PDXK: variants seen among roughly 807,000 people sequenced by gnomAD.
PDXK encodes the protein pyridoxal kinase.
In PDXK, 15 loss-of-function variants were observed where a neutral mutation model predicts 43.2. That is an observed-to-expected ratio of 0.35 (90% CI 0.23 to 0.53). The LOEUF (loss-of-function observed/expected upper bound fraction) is 0.53. Ranked by LOEUF, PDXK falls within the 20% of genes least tolerant of loss-of-function variation. PDXK has a pLI of 0.92. For missense variants in PDXK, 343 were observed against 417.0 expected (o/e 0.82, Z 1.54); for synonymous variants, 172 against 165.4 (o/e 1.04, Z -0.31).
At chr21:43,729,658 G>C (rs2083293164) in intron 1 of PDXK, among the ~76,000 whole-genome samples, 2 of 152,210 alleles carry the variant, frequency 1.3e-5, no homozygotes, top group African/African-American at 4.8e-5. Context: ...AGTAGCACGG[G>C]CCGAGCACGA....
chr21:43,728,617 C>T (rs904033123), intron 1 of PDXK: 1 of 652,970 alleles, frequency 1.5e-6, no homozygotes, highest in African/African-American at 2.0e-5. Context: ...GTCTGCCTCG[C>T]TGTGAGCAGA....
chr21:43,720,209 C>G (rs2147197115), intron 1 of PDXK, among the ~76,000 whole-genome samples: 1 of 152,278 alleles, frequency 6.6e-6, no homozygotes, highest in South Asian at 2.1e-4. Context: ...ACGGGCACTT[C>G]CTGGCCTTGT....
chr21:43,753,736 G>A lies in PDXK; in HGVS notation c.759+17G>A, dbSNP rs370448964. The A allele has an allele frequency of 8.6e-5, 137 of 1,601,522 alleles. 1 individual carries two copies. In the Admixed American group the frequency reaches 1.3e-3, roughly 15 times the overall value. On this transcript the variant is annotated intron_variant, in intron 9 of 10. Coordinates refer to ENST00000291565, the MANE Select transcript of PDXK (RefSeq NM_003681.5). Reference sequence around the variant, plus strand: ...AACCTCAAGGTCAGCCACACGCACCGCTCCCCTCCTCGCCCACTCCCACGG... The same window carrying A: ...AACCTCAAGGTCAGCCACACGCACCACTCCCCTCCTCGCCCACTCCCACGG...
intron 1 of PDXK, among the ~76,000 whole-genome samples, chr21:43,725,786 T>C (rs7280268): frequency 0.13 from 19,747 of 151,576 alleles, 1,585 homozygotes; most frequent in African/African-American, 0.23. Context: ...CTCCAGCCCC[T>C]GCAACAGAGC....
At position 43,735,589 on chromosome 21, in the gene PDXK, G is replaced by A. The variant is rs897183590; in HGVS notation, c.142+1466G>A. ...GTTGCAGAGCCAGGCAGACAGCCTG[G>A]GGGTGTCCCTTCCCATGGGGTCCAG... On this transcript the variant is annotated intron_variant, in intron 2 of 10. Coordinates refer to ENST00000291565, the MANE Select transcript of PDXK (RefSeq NM_003681.5). This position sits in a 1 kb window ranked among gnomAD's most constrained non-coding sequence, Gnocchi z 5.3. 6.6e-6 allele frequency among the ~76,000 whole-genome samples: 1 copy of A among 152,178 alleles called. No homozygotes were observed. Among genetic ancestry groups the A allele is most frequent in the Admixed American group, 6.5e-5 (1 of 15,278 alleles).
intron 1 of PDXK, chr21:43,733,610 A>G (rs927015655): frequency 2.9e-6 from 3 of 1,031,432 alleles, no homozygotes; most frequent in South Asian, 3.5e-5. Context: ...CTGCCCGCGG[A>G]GCCCTTGGCC....
At position 43,722,141 on chromosome 21, in the gene PDXK, G is replaced by A. The variant is rs116411458; in HGVS notation, c.87+2760G>A. ...GCACCCTGGGGTGGGGCACTTCCCC[G>A]CTGCTCTGGCTTGGATTCTAGACAG... is the stretch of plus-strand genomic sequence containing the variant. On this transcript the variant is annotated intron_variant, in intron 1 of 10. Coordinates refer to ENST00000291565, the MANE Select transcript of PDXK (RefSeq NM_003681.5). Among the ~76,000 whole-genome samples, 403 of 152,352 alleles carry A rather than the reference G, an allele frequency of 2.6e-3. 4 individuals are homozygous for A. The highest frequency in any genetic ancestry group is 9.5e-3 in the African/African-American group (395 of 41,578).
chr21:43,746,535 C>G (rs2083641952), intron 5 of PDXK, among the ~76,000 whole-genome samples: 1 of 152,100 alleles, frequency 6.6e-6, no homozygotes, highest in Non-Finnish European at 1.5e-5. Flanking sequence ...TTCTTAATGC[C>G]TCAGTCTCCC....
At chr21:43,721,851 G>A (rs1398324693) in intron 1 of PDXK, 1 of 152,382 alleles carries the variant, frequency 6.6e-6, no homozygotes, top group African/African-American at 2.4e-5. Context: ...ACCCTCCCTG[G>A]GCAGAGCAAA....
chr21:43,732,777 T>C lies in PDXK; in HGVS notation c.88-1292T>C, dbSNP rs2083337265. 1.7e-6 allele frequency: 1 copy of C among 604,682 alleles called. No homozygotes were observed. Among genetic ancestry groups the C allele is most frequent in the South Asian group, 2.1e-5 (1 of 48,698 alleles). The allele number at this position is 604,682 out of a possible 1,614,324, so 37.5% of individuals were successfully genotyped here. On this transcript the variant is annotated intron_variant, in intron 1 of 10. Coordinates refer to ENST00000291565, the MANE Select transcript of PDXK (RefSeq NM_003681.5). The surrounding 1 kb of genome is among the most constrained non-coding windows in gnomAD (Gnocchi z 4.1). ...TTTTTATGTTTTTTGAGACATATTC[T>C]CACTCCGTCACCCAGGCTAGAGTGC...
At position 43,719,243 on chromosome 21, in the gene PDXK, G is replaced by C; in HGVS notation, c.-52G>C. On this transcript the variant is annotated 5_prime_UTR_variant, in exon 1 of 11. Coordinates refer to ENST00000291565, the MANE Select transcript of PDXK (RefSeq NM_003681.5). ...GAGCCGAGCCGGAGCCCGAGCGAGC[G>C]GCGGAGACCGTGCCCCCGCCTCGGC... is the stretch of plus-strand genomic sequence containing the variant. The C allele has an allele frequency of 9.0e-7, 1 of 1,107,308 alleles. No homozygotes were observed. The highest frequency in any genetic ancestry group is 1.2e-6 in the Non-Finnish European group (1 of 843,592). 68.6% of individuals were successfully genotyped at this position (1,107,308 alleles called of 1,614,324 possible). A position where few individuals can be genotyped will look rare whatever the true frequency, so the allele number is the denominator to read the frequency against.
At chr21:43,730,300 A>G (rs989237506) in intron 1 of PDXK, among the ~76,000 whole-genome samples, 12 of 151,998 alleles carry the variant, frequency 7.9e-5, no homozygotes, top group East Asian at 1.9e-4. Flanking sequence ...CAATTTTTGT[A>G]TTTTTAGTAG....
intron 1 of PDXK, 48 bp downstream of exon 1, chr21:43,719,429 C>T (rs763567795): frequency 5.0e-5 from 73 of 1,470,504 alleles, no homozygotes; most frequent in Non-Finnish European, 2.7e-6. Flanking sequence ...AGCCCGTGAC[C>T]TTGGCGGGGC....
chr21:43,726,806 G>A (rs1346641605), intron 1 of PDXK, among the ~76,000 whole-genome samples: 14 of 151,780 alleles, frequency 9.2e-5, no homozygotes, highest in South Asian at 2.1e-4. Flanking sequence ...ATGTGTGTAC[G>A]TGGTGTGTTT....
intron 1 of PDXK, among the ~76,000 whole-genome samples, chr21:43,720,952 A>G (rs1239969107): frequency 3.3e-5 from 5 of 152,216 alleles, no homozygotes; most frequent in African/African-American, 1.2e-4. Context: ...TTTGTTCTCG[A>G]ACTCCCAGTG....
At chr21:43,733,331 G>T (rs2083350709) in intron 1 of PDXK, among the ~76,000 whole-genome samples, 1 of 143,130 alleles carries the variant, frequency 7.0e-6, no homozygotes, top group Non-Finnish European at 1.5e-5. Flanking sequence ...GCCTGGCTTT[G>T]AACTTGAAGG....
At chr21:43,752,969 T>TG (rs2083779743) in intron 8 of PDXK, among the ~76,000 whole-genome samples, 1 of 151,984 alleles carries the variant, frequency 6.6e-6, no homozygotes. Context: ...CTGAACAGTG[T>TG]GAAAATGACG....
chr21:43,761,499 C>T lies in PDXK; in HGVS notation c.*5436C>T, dbSNP rs933237999. On this transcript the variant is annotated 3_prime_UTR_variant, in exon 11 of 11. Coordinates refer to ENST00000291565, the MANE Select transcript of PDXK (RefSeq NM_003681.5). ...TTCTGCTTGGGGATCCCCCACACGA[C>T]CTGGGTACTGCCTGGGAAACCTGTC... 1 of 156,242 alleles carries T rather than the reference C, an allele frequency of 6.4e-6. No homozygotes were observed. The allele number at this position is 156,242 out of a possible 1,614,324, so 9.7% of individuals were successfully genotyped here.
Position 43,755,716 on chromosome 21 carries a change from G to C in PDXK, c.778G>C (p.Val260Leu). The change falls in exon 10 of 11, where the codon GTG becomes CTG. Residue 260 changes from valine to leucine, a missense_variant. Transcript: ENST00000291565. ...NNLKVACEKT[V>L]STLHHVLQRT... is the part of the protein sequence containing the mutation. Reference sequence around the variant, plus strand: ...CCTGCAGGTGGCCTGTGAGAAGACCGTGTCTACCTTGCACCACGTTCTGCA... The same window carrying C: ...CCTGCAGGTGGCCTGTGAGAAGACCCTGTCTACCTTGCACCACGTTCTGCA... The C allele has an allele frequency of 6.2e-7, 1 of 1,613,986 alleles. No individual in the cohort carries two copies. Among genetic ancestry groups the C allele is most frequent in the Non-Finnish European group, 8.5e-7 (1 of 1,179,874 alleles).
Sources: allele counts gnomAD v4.1 joint callset (sites outside exome capture counted in the v4.1 genomes callset), GRCh38; gene constraint gnomAD v4.1.1; non-coding constraint Gnocchi (gnomAD v3.1); transcripts MANE v1.5; gene names NCBI Gene and HGNC (gene_info 2026-07-23, HGNC 2026-07-21).